The following ATP8B4 variants were observed in gnomAD, a reference collection of about 807,000 sequenced individuals.
ATP8B4 encodes probable phospholipid-transporting ATPase IM.
In ATP8B4, 133 loss-of-function variants were observed where a neutral mutation model predicts 145.6. That is an observed-to-expected ratio of 0.91 (90% CI 0.79 to 1.05). The LOEUF is 1.05. Among genes scored for constraint, ATP8B4 ranks in the 50% least tolerant of loss-of-function variants. ATP8B4 has a pLI of 0.00. For missense variants in ATP8B4, 1,458 were observed against 1,425.2 expected (o/e 1.02, Z -0.37); for synonymous variants, 507 against 492.9 (o/e 1.03, Z -0.38).
chr15:50,054,580 G>A (rs971500239), intron 3 of ATP8B4, among the ~76,000 whole-genome samples: 5 of 151,850 alleles, frequency 3.3e-5, no homozygotes, highest in African/African-American at 9.7e-5. Flanking sequence ...TCAGGAGATC[G>A]AGATCAGCCT....
At chr15:49,873,789 T>C (rs933669027) in intron 25 of ATP8B4, among the ~76,000 whole-genome samples, 1 of 152,184 alleles carries the variant, frequency 6.6e-6, no homozygotes, top group Non-Finnish European at 1.5e-5. Flanking sequence ...TACTTGACTC[T>C]CCCTGCACTG....
chr15:49,890,239 T>C (rs1013836340), intron 23 of ATP8B4, among the ~76,000 whole-genome samples: 1 of 151,502 alleles, frequency 6.6e-6, no homozygotes. Context: ...CATTGGACAA[T>C]ATGTGTGAGA....
chr15:50,157,387 A>C (rs2044435476), intron 1 of ATP8B4, among the ~76,000 whole-genome samples: 1 of 152,224 alleles, frequency 6.6e-6, no homozygotes, highest in South Asian at 2.1e-4. Context: ...GAGCTCAATG[A>C]AGTATTGTAC....
intron 1 of ATP8B4, among the ~76,000 whole-genome samples, chr15:50,143,019 T>C (rs907227994): frequency 4.6e-5 from 7 of 152,230 alleles, no homozygotes; most frequent in African/African-American, 1.7e-4. Flanking sequence ...GCTGAAGACC[T>C]GGAGATGCCA....
At chr15:50,017,944 T>C (rs2049217586) in intron 6 of ATP8B4, among the ~76,000 whole-genome samples, 1 of 152,100 alleles carries the variant, frequency 6.6e-6, no homozygotes, top group Admixed American at 6.6e-5. Flanking sequence ...TTATCATCCC[T>C]AGTTCCTCAA....
chr15:49,995,541 C>T (rs575358132), intron 9 of ATP8B4, among the ~76,000 whole-genome samples: 2 of 152,182 alleles, frequency 1.3e-5, no homozygotes, highest in African/African-American at 4.8e-5. Context: ...TATAAAAGCA[C>T]TCATTTAAGA....
At chr15:49,952,004 A>C (rs950881396) in intron 14 of ATP8B4, among the ~76,000 whole-genome samples, 4 of 152,148 alleles carry the variant, frequency 2.6e-5, no homozygotes, top group African/African-American at 9.7e-5. Context: ...TTTCTTTAAG[A>C]ATGTTGAATA....
chr15:49,979,282 G>A (rs959580142), intron 12 of ATP8B4, among the ~76,000 whole-genome samples: 1 of 152,018 alleles, frequency 6.6e-6, no homozygotes, highest in African/African-American at 2.4e-5. Flanking sequence ...CCTCTCTATA[G>A]ATCTCCCCAA....
chr15:49,940,150 T>G (rs1471977609), intron 14 of ATP8B4, among the ~76,000 whole-genome samples: 1 of 152,126 alleles, frequency 6.6e-6, no homozygotes, highest in Admixed American at 6.5e-5. Flanking sequence ...TCAACCCAGG[T>G]GCCATCAACA....
chr15:49,866,537 C>T, intron 25 of ATP8B4, 53 bp from the exon 26 acceptor site: 1 of 1,589,088 alleles, frequency 6.3e-7, no homozygotes, highest in Non-Finnish European at 8.6e-7. Context: ...AAAACAGCAT[C>T]ATTTTACCTC....
At position 49,942,348 on chromosome 15, in the gene ATP8B4, AT is replaced by A. The variant is rs2042226035; in HGVS notation, c.1288-8167del. The stretch of plus-strand genomic sequence containing the variant: ...ACTGTGACCAAACATTTCCTCCTTA[AT>A]TTAAAAAAGGAAAATTGGATGAAGC... On this transcript the variant is annotated intron_variant, in intron 14 of 27. Coordinates refer to ENST00000284509, the MANE Select transcript of ATP8B4 (RefSeq NM_024837.4). 1.3e-5 allele frequency among the ~76,000 whole-genome samples: 2 copies of A among 152,090 alleles called. 1 individual carries two copies. Among genetic ancestry groups the A allele is most frequent in the South Asian group, 4.1e-4 (2 of 4,832 alleles).
At chr15:50,148,792 T>G (rs2044310376) in intron 1 of ATP8B4, among the ~76,000 whole-genome samples, 1 of 152,226 alleles carries the variant, frequency 6.6e-6, no homozygotes, top group Non-Finnish European at 1.5e-5. Context: ...TAATATTAAA[T>G]GTAATATTAG....
At chr15:50,035,011 G>A (rs1317538381) in intron 6 of ATP8B4, among the ~76,000 whole-genome samples, 4 of 152,104 alleles carry the variant, frequency 2.6e-5, no homozygotes, top group South Asian at 2.1e-4. Context: ...TCATGCCACC[G>A]CTACTTACTT....
At chr15:50,124,830 A>G (rs2057296972) in intron 1 of ATP8B4, among the ~76,000 whole-genome samples, 1 of 152,178 alleles carries the variant, frequency 6.6e-6, no homozygotes, top group Non-Finnish European at 1.5e-5. Context: ...TTCAAATACT[A>G]TCTGAACCAT....
intron 20 of ATP8B4, among the ~76,000 whole-genome samples, chr15:49,910,491 G>T (rs963660266): frequency 6.6e-6 from 1 of 152,104 alleles, no homozygotes; most frequent in African/African-American, 2.4e-5. Context: ...AATACAGGAG[G>T]CCCAGCAATC....
chr15:49,950,676 G>T (rs1266155088), intron 14 of ATP8B4, among the ~76,000 whole-genome samples: 1 of 150,650 alleles, frequency 6.6e-6, no homozygotes, highest in Non-Finnish European at 1.5e-5. Flanking sequence ...ATTTTTTGGA[G>T]GGTTTTTTGT....
rs543158157 is a variant in ATP8B4 at position 50,141,295 on chromosome 15, C to A, written c.-42-34287G>T. Among the ~76,000 whole-genome samples the A allele has an allele frequency of 4.6e-5, 7 of 151,794 alleles. No homozygotes were observed. The East Asian group carries it at 1.4e-3, about 29-fold the overall frequency. The stretch of plus-strand genomic sequence containing the variant: ...TTAATACCACCAAGAATAGGGAAAC[C>A]AAAACAAAACAAACTTAGAGGTGAA... On this transcript the variant is annotated intron_variant, in intron 1 of 3. Coordinates refer to the ATP8B4 transcript ENST00000558829.
At chr15:50,060,384 A>G (rs1421529340) in intron 3 of ATP8B4, among the ~76,000 whole-genome samples, 3 of 152,204 alleles carry the variant, frequency 2.0e-5, no homozygotes, top group Non-Finnish European at 4.4e-5. Context: ...ATCCAATTAA[A>G]TAATACTTGA....
chr15:50,172,582 G>C (rs2044694087), intron 1 of ATP8B4, among the ~76,000 whole-genome samples: 1 of 152,136 alleles, frequency 6.6e-6, no homozygotes, highest in African/African-American at 2.4e-5. Flanking sequence ...GGGAAGTGAG[G>C]AGTGTCTCTG....
Sources: allele counts gnomAD v4.1 joint callset (sites outside exome capture counted in the v4.1 genomes callset), GRCh38; gene constraint gnomAD v4.1.1; transcripts MANE v1.5; gene names NCBI Gene and HGNC (gene_info 2026-07-23, HGNC 2026-07-21).